Variants in DENND2A observed in about 807,000 individuals in gnomAD.
DENND2A encodes the protein DENN domain containing 2A.
Under a neutral mutation model 105.3 loss-of-function variants are expected in DENND2A, and 53 were observed. The ratio of observed to expected loss-of-function variants is 0.50; its 90% CI spans 0.40 to 0.63. The LOEUF is 0.63. Ranked by LOEUF, DENND2A falls within the 30% of genes least tolerant of loss-of-function variation. DENND2A has a pLI of 0.00. For synonymous variants in DENND2A, 522 were observed against 508.4 expected (o/e 1.03, Z -0.36); for missense variants, 1,138 against 1,279.6 (o/e 0.89, Z 1.69).
At chr7:140,566,843 A>G (rs1018423069) in intron 9 of DENND2A, among the ~76,000 whole-genome samples, 3 of 151,920 alleles carry the variant, frequency 2.0e-5, no homozygotes, top group Non-Finnish European at 4.4e-5. Context: ...GCCACCATGC[A>G]TGGCTAATTT....
In DENND2A at chr7:140,594,998, G is replaced by C. The variant is rs545416029; in HGVS notation, c.995+6405C>G. Among the ~76,000 whole-genome samples, 3 of 152,304 alleles carry C rather than the reference G, an allele frequency of 2.0e-5. No homozygotes were observed. The East Asian group carries it at 5.8e-4, about 29-fold the overall frequency. On this transcript the variant is annotated intron_variant, in intron 3 of 19. Transcript: ENST00000496613. ...CAAAGTGCTGGGATTACAGGCGTGA[G>C]CCACCTTGCTGGACCATTTTGTTTT...
At chr7:140,530,883 C>T (rs1012766361) in intron 14 of DENND2A, among the ~76,000 whole-genome samples, 7 of 152,106 alleles carry the variant, frequency 4.6e-5, no homozygotes, top group Non-Finnish European at 8.8e-5. Context: ...AGGCATGCGC[C>T]ACCATGCCTG....
intron 1 of DENND2A, among the ~76,000 whole-genome samples, chr7:140,612,156 G>T (rs776388788): frequency 6.6e-6 from 1 of 151,690 alleles, no homozygotes; most frequent in East Asian, 1.9e-4. Context: ...CAAGATAATC[G>T]CTTGAACCTG....
chr7:140,619,726 C>T (rs927280739), intron 1 of DENND2A, among the ~76,000 whole-genome samples: 15 of 152,026 alleles, frequency 9.9e-5, no homozygotes, highest in African/African-American at 3.4e-4. Context: ...TCTTGAACTC[C>T]TGACCTCAAG....
chr7:140,554,692 A>T (rs1243957822), intron 12 of DENND2A, among the ~76,000 whole-genome samples: 3 of 152,190 alleles, frequency 2.0e-5, no homozygotes, highest in Admixed American at 6.5e-5. Flanking sequence ...ACAGGAAATG[A>T]TGTTGGATTA....
chr7:140,639,527 C>G (rs938399498), intron 1 of DENND2A, among the ~76,000 whole-genome samples: 1 of 152,130 alleles, frequency 6.6e-6, no homozygotes, highest in African/African-American at 2.4e-5. Context: ...AGACTTTCTA[C>G]TCCACTCTTT....
In DENND2A at chr7:140,551,799, C is replaced by T. The variant is rs532105958; in HGVS notation, c.2037+3837G>A. Among the ~76,000 whole-genome samples the T allele has an allele frequency of 1.5e-4, 23 of 152,358 alleles. No homozygotes were observed. The South Asian group carries it at 2.1e-3, about 14-fold the overall frequency. ...ATGCATTTTGGCCATCCTTGCTCCACGCCTAGAAATAGCTCAAGTTCCTGG... is the reference window on the plus strand; with the variant it reads ...ATGCATTTTGGCCATCCTTGCTCCATGCCTAGAAATAGCTCAAGTTCCTGG... On this transcript the variant is annotated intron_variant, in intron 12 of 19. Transcript: ENST00000496613.
intron 13 of DENND2A, 70 bp downstream of exon 13, chr7:140,546,729 T>C (rs117506929): frequency 0.033 from 52,801 of 1,581,760 alleles, 1,047 homozygotes; most frequent in South Asian, 0.047. Flanking sequence ...AGGCAGCCCC[T>C]CTGAGCACGG....
At chr7:140,545,251 C>T (rs183585876) in intron 13 of DENND2A, among the ~76,000 whole-genome samples, 2 of 152,178 alleles carry the variant, frequency 1.3e-5, no homozygotes, top group Non-Finnish European at 2.9e-5. Flanking sequence ...AGCAGCACTT[C>T]GGAGACTCGC....
At chr7:140,550,685 C>T (rs1278739067) in intron 12 of DENND2A, among the ~76,000 whole-genome samples, 2 of 151,932 alleles carry the variant, frequency 1.3e-5, no homozygotes, top group African/African-American at 4.8e-5. Flanking sequence ...TGGTCTTGAA[C>T]TAATGACCTT....
rs74898279 is a variant in DENND2A, at chr7:140,547,570, T to C, written c.2038-631A>G. 6.6e-3 allele frequency among the ~76,000 whole-genome samples: 1,012 copies of C among 152,326 alleles called. 8 individuals carry two copies. Among genetic ancestry groups the C allele is most frequent in the African/African-American group, 0.023 (955 of 41,580 alleles). ...AGTGAAGCTACTCTGGAGAACAGTCTGGTAGTTCCTCAAAAGGTTAAACAT... is the reference window on the plus strand; with the variant it reads ...AGTGAAGCTACTCTGGAGAACAGTCCGGTAGTTCCTCAAAAGGTTAAACAT... On this transcript the variant is annotated intron_variant, in intron 12 of 19. Transcript: ENST00000496613.
At chr7:140,542,890 G>T (rs1796730990) in intron 14 of DENND2A, among the ~76,000 whole-genome samples, 1 of 152,072 alleles carries the variant, frequency 6.6e-6, no homozygotes, top group African/African-American at 2.4e-5. Flanking sequence ...GAAGGTGACA[G>T]CTAGGCCTCA....
In DENND2A at chr7:140,606,712, A is replaced by G. The variant is rs527482352; in HGVS notation, c.-247-906T>C. ...TCTGTCTGGTCTAAGGAACACCAGG[A>G]GATGGTCTTGGCAAACCCAGGAATC... On this transcript the variant is annotated intron_variant, in intron 1 of 19. Transcript: ENST00000496613. Among the ~76,000 whole-genome samples the G allele has an allele frequency of 2.6e-5, 4 of 152,298 alleles. No individual in the cohort carries two copies. In the South Asian group the frequency reaches 8.3e-4, roughly 32 times the overall value.
intron 11 of DENND2A, 65 bp downstream of exon 11, chr7:140,558,078 T>G (rs1797454577): frequency 3.1e-5 from 43 of 1,400,518 alleles, no homozygotes; most frequent in Non-Finnish European, 4.2e-5. Flanking sequence ...AAGCCAGACC[T>G]GGCTCTTGCA....
chr7:140,533,096 ATTC>A (rs1796325041), intron 14 of DENND2A, among the ~76,000 whole-genome samples: 1 of 150,390 alleles, frequency 6.6e-6, no homozygotes, highest in Admixed American at 6.7e-5. Flanking sequence ...GGTTCAAGCA[ATTC>A]TTCTGCCTCA....
rs558392381 is a variant in DENND2A at position 140,625,573 on chromosome 7, T to C, written c.-248+14931A>G. On this transcript the variant is annotated intron_variant, in intron 1 of 19. Coordinates refer to ENST00000496613, the MANE Select transcript of DENND2A (RefSeq NM_015689.5). ...GGCGTGTGCCTGTAAACTCAGCTTC[T>C]GTGGATGCTGAGGCAGGAGAATTGC... is the stretch of plus-strand genomic sequence containing the variant. 2.0e-5 allele frequency among the ~76,000 whole-genome samples: 3 copies of C among 152,238 alleles called. No individual in the cohort carries two copies. The East Asian group carries it at 5.8e-4, about 29-fold the overall frequency.
chr7:140,634,106 G>C (rs269253), intron 1 of DENND2A, among the ~76,000 whole-genome samples: 4,930 of 150,284 alleles, frequency 0.033, 245 homozygotes, highest in African/African-American at 0.11. Flanking sequence ...TCACACCATT[G>C]TCCTGCCTCA....
intron 1 of DENND2A, among the ~76,000 whole-genome samples, chr7:140,625,668 C>T (rs950322787): frequency 3.9e-5 from 6 of 152,024 alleles, no homozygotes; most frequent in East Asian, 1.9e-4. Context: ...CCAGACAGAG[C>T]GAGACTCCGC....
chr7:140,641,351 C>T (rs1327405927), upstream of DENND2A: 1 of 152,614 alleles, frequency 6.6e-6, no homozygotes, highest in Non-Finnish European at 1.5e-5. Flanking sequence ...GGGAGGTGGT[C>T]AGGAAAAGCT....
Sources: gnomAD v4.1 joint callset for allele counts (sites outside exome capture counted in the v4.1 genomes callset) on GRCh38, gnomAD v4.1.1 for gene constraint, MANE v1.5 for transcripts, NCBI Gene and HGNC (gene_info 2026-07-23, HGNC 2026-07-21) for gene names.